Variants in TBCD observed in about 807,000 individuals in gnomAD.
TBCD encodes the protein tubulin folding cofactor D.
A neutral mutation model predicts 169.3 loss-of-function variants in TBCD; 105 were observed. The observed-to-expected ratio is 0.62, with a 90% CI of 0.53 to 0.73. The LOEUF is 0.73. TBCD is among the 30% of genes least tolerant of loss of function. TBCD has a pLI of 0.00. For synonymous variants in TBCD, 700 were observed against 643.9 expected, an observed-to-expected ratio of 1.09 and a Z score of -1.32; for missense variants, 1,444 against 1,600.1, an observed-to-expected ratio of 0.90 and a Z score of 1.66.
At position 82,942,968 on chromosome 17, in the gene TBCD, G is replaced by A. The variant is rs1599792524; in HGVS notation, c.*505G>A. The A allele has an allele frequency of 5.7e-6, 1 of 176,396 alleles. No homozygotes were observed. The highest frequency in any genetic ancestry group is 1.8e-4 in the East Asian group (1 of 5,580). The allele number at this position is 176,396 out of a possible 1,614,324, so 10.9% of individuals were successfully genotyped here. ...GTGGCAGGCATGGTCTGGAGTGCTG[G>A]GCAGATGCTGTTTCTGGGCCCGTCT... On this transcript the variant is annotated 3_prime_UTR_variant, in exon 39 of 39. Transcript: ENST00000355528.
intron 13 of TBCD, among the ~76,000 whole-genome samples, chr17:82,821,873 A>T (rs890514889): frequency 6.6e-6 from 1 of 152,210 alleles, no homozygotes; most frequent in African/African-American, 2.4e-5. Context: ...AAAATTTTTA[A>T]ATGTATAATA....
chr17:82,908,790 G>T (rs1490435850), intron 21 of TBCD, among the ~76,000 whole-genome samples: 1 of 152,152 alleles, frequency 6.6e-6, no homozygotes, highest in African/African-American at 2.4e-5. Context: ...TAATAGAGCC[G>T]ATCTCCTTGA....
intron 30 of TBCD, 26 bp downstream of exon 30, chr17:82,928,014 G>T (rs766822304): frequency 2.5e-6 from 4 of 1,601,394 alleles, no homozygotes; most frequent in African/African-American, 2.7e-5. Flanking sequence ...CAGCTCTTCT[G>T]CATCCTAGAG....
chr17:82,787,588 C>G (rs114486267), intron 7 of TBCD, among the ~76,000 whole-genome samples: 1 of 152,174 alleles, frequency 6.6e-6, no homozygotes, highest in African/African-American at 2.4e-5. Context: ...AGGCAGAGGC[C>G]GGGCGCCTGC....
chr17:82,818,455 C>T (rs1419084701), intron 13 of TBCD, among the ~76,000 whole-genome samples: 2 of 152,202 alleles, frequency 1.3e-5, no homozygotes, highest in Admixed American at 6.5e-5. Context: ...CCTCTGAGAG[C>T]CGTCTTGTTT....
At chr17:82,760,459 T>G (rs1209240677) in intron 2 of TBCD, among the ~76,000 whole-genome samples, 3 of 152,216 alleles carry the variant, frequency 2.0e-5, no homozygotes, top group South Asian at 2.1e-4. Flanking sequence ...TGGAGACTTT[T>G]TTTTAGGTTT....
chr17:82,766,387 C>T lies in TBCD; in HGVS notation c.435+19C>T, dbSNP rs1472526880. 1 of 1,584,642 alleles carries T rather than the reference C, an allele frequency of 6.3e-7. No homozygotes were observed. Among genetic ancestry groups the T allele is most frequent in the Non-Finnish European group, 8.6e-7 (1 of 1,157,832 alleles). On this transcript the variant is annotated intron_variant, in intron 4 of 38. Coordinates refer to ENST00000355528, the MANE Select transcript of TBCD (RefSeq NM_005993.5). ...CCATGAAGTGAGTGTCTCTGCCTCC[C>T]CCCTCGTCTCCAGCCCTCCGTGCCT...
In TBCD at chr17:82,884,153, T is replaced by G; in HGVS notation, c.1484T>G (p.Val495Gly). The change falls in exon 15 of 39, where the codon GTG (valine) becomes GGG (glycine). Residue 495 changes from valine (V) to glycine (G), a missense_variant. Val to Gly is a moderately radical substitution (Grantham distance 109). Coordinates refer to ENST00000355528, the MANE Select transcript of TBCD (RefSeq NM_005993.5). This position sits in a 1 kb window ranked among gnomAD's most constrained non-coding sequence, Gnocchi z 4.2. Reference protein sequence around the residue: ...PFVTAISSALVIAAVFDRDIN... With the variant: ...PFVTAISSALGIAAVFDRDIN... The stretch of plus-strand genomic sequence containing the variant: ...CTTTCTCTTTTTCACAGTGCACTGG[T>G]GATTGCTGCGGTGTTTGACCGAGAC... The G allele has an allele frequency of 6.2e-7, 1 of 1,609,794 alleles. No homozygotes were observed.
chr17:82,774,654 C>T (rs541662153), intron 6 of TBCD, among the ~76,000 whole-genome samples: 68 of 152,208 alleles, frequency 4.5e-4, no homozygotes, highest in Admixed American at 1.4e-3. Flanking sequence ...ACCTCCCAGA[C>T]GGAGCGGCGG....
intron 7 of TBCD, among the ~76,000 whole-genome samples, chr17:82,793,365 G>T (rs545373634): frequency 1.3e-5 from 2 of 152,300 alleles, no homozygotes; most frequent in South Asian, 4.1e-4. Context: ...GCGCTCTCCC[G>T]TCCTGTCTAG....
rs1029426825 is a variant in TBCD, at chr17:82,875,448, T to C, written c.1475+5068T>C. On this transcript the variant is annotated intron_variant, in intron 14 of 38. Coordinates refer to ENST00000355528, the MANE Select transcript of TBCD (RefSeq NM_005993.5). ...AAGCCGAGCCCTACGCTGCTGCTGC[T>C]GCCATTGTGTGTCCAGTGATTTCCT... Among the ~76,000 whole-genome samples the C allele has an allele frequency of 4.6e-5, 7 of 152,256 alleles. No homozygotes were observed. The East Asian group carries it at 5.8e-4, about 13-fold the overall frequency.
chr17:82,904,721 C>T (rs1216988197), intron 19 of TBCD, among the ~76,000 whole-genome samples: 3 of 152,126 alleles, frequency 2.0e-5, no homozygotes, highest in Non-Finnish European at 4.4e-5. Context: ...ACTGATGTGA[C>T]GCCTGTGTTG....
At chr17:82,894,844 G>A (rs1599309063) in intron 17 of TBCD, among the ~76,000 whole-genome samples, 1 of 152,308 alleles carries the variant, frequency 6.6e-6, no homozygotes, top group East Asian at 1.9e-4. Flanking sequence ...AGGCGTGGTG[G>A]CGGGTGCCTG....
chr17:82,941,644 TTC>T (rs1335104192), intron 38 of TBCD, 161 bp downstream of exon 38: 2 of 665,620 alleles, frequency 3.0e-6, no homozygotes, highest in African/African-American at 3.7e-5. Context: ...CAGAGCTGCC[TTC>T]TCTGGCCACT....
At chr17:82,937,472 C>A in intron 35 of TBCD, 112 bp downstream of exon 35, 1 of 912,178 alleles carries the variant, frequency 1.1e-6, no homozygotes, top group Non-Finnish European at 1.7e-6. Context: ...TGTTACTCCT[C>A]AAGCTAACCT....
intron 15 of TBCD, among the ~76,000 whole-genome samples, chr17:82,887,404 T>C (rs111672347): frequency 0.04 from 6,132 of 152,244 alleles, 213 homozygotes; most frequent in African/African-American, 0.1. Flanking sequence ...AAATGGACTC[T>C]GTGGCCTCTA....
At chr17:82,873,382 G>A (rs1387068762) in intron 14 of TBCD, among the ~76,000 whole-genome samples, 3 of 152,258 alleles carry the variant, frequency 2.0e-5, no homozygotes, top group Admixed American at 6.5e-5. Context: ...AGGTGGGCAC[G>A]GAACCCAGGG....
chr17:82,792,150 A>C (rs953002251), intron 7 of TBCD, among the ~76,000 whole-genome samples: 1 of 152,176 alleles, frequency 6.6e-6, no homozygotes, highest in Non-Finnish European at 1.5e-5. Flanking sequence ...TCTACTAAAA[A>C]TACAAAAATT....
intron 13 of TBCD, among the ~76,000 whole-genome samples, chr17:82,849,952 CCTGTGCTGCTGTTGG>C (rs1567886557): frequency 3.6e-5 from 2 of 55,772 alleles, no homozygotes; most frequent in African/African-American, 7.0e-5. Flanking sequence ...GCTGTTGTTG[CCTGTGCTGCTGTTGG>C]CTGTGCTGCT....
Sources: gnomAD v4.1 joint callset for allele counts (sites outside exome capture counted in the v4.1 genomes callset) on GRCh38, gnomAD v4.1.1 for gene constraint, Gnocchi (gnomAD v3.1) non-coding constraint, MANE v1.5 for transcripts, NCBI Gene and HGNC (gene_info 2026-07-23, HGNC 2026-07-21) for gene names.